The following SLIT1 variants were observed in gnomAD, a reference collection of about 807,000 sequenced individuals.
SLIT1 encodes slit homolog 1 protein.
In SLIT1, 66 loss-of-function variants were observed where a neutral mutation model predicts 186.1. The ratio of observed to expected loss-of-function variants is 0.35; its 90% CI spans 0.29 to 0.44. The LOEUF (loss-of-function observed/expected upper bound fraction) is 0.44. SLIT1 is among the 20% of genes least tolerant of loss of function. SLIT1 has a pLI of 1.00. For synonymous variants in SLIT1, 761 were observed against 833.8 expected (o/e 0.91, Z 1.50); for missense variants, 1,638 against 2,037.4 (o/e 0.80, Z 3.77).
At chr10:97,073,861 C>T (rs1490358746) in intron 4 of SLIT1, among the ~76,000 whole-genome samples, 1 of 152,232 alleles carries the variant, frequency 6.6e-6, no homozygotes, top group Non-Finnish European at 1.5e-5. Flanking sequence ...GGAGAGGTGC[C>T]GCTGCCTACT....
intron 1 of SLIT1, among the ~76,000 whole-genome samples, chr10:97,181,216 G>A (rs968286756): frequency 3.3e-5 from 5 of 152,136 alleles, no homozygotes; most frequent in African/African-American, 1.2e-4. Flanking sequence ...TGCCCTGCAG[G>A]GAGGCACCTC....
rs1226127245 is a variant in SLIT1 at position 97,043,544 on chromosome 10, C to T, written c.1854-31G>A. ...GAGGAACGGGGGAGGGAGGAGGGGA[C>T]CCTTGCTGCCCTGCCAGCCATCCAC... On this transcript the variant is annotated intron_variant, in intron 18 of 36. Transcript: ENST00000266058. The surrounding 1 kb of genome is among the most constrained non-coding windows in gnomAD (Gnocchi z 7.0). 1 of 1,597,708 alleles carries T rather than the reference C, an allele frequency of 6.3e-7. No individual in the cohort carries two copies. The highest frequency in any genetic ancestry group is 8.5e-7 in the Non-Finnish European group (1 of 1,169,862).
chr10:97,032,247 A>G (rs1167965752), intron 23 of SLIT1, among the ~76,000 whole-genome samples: 2 of 152,020 alleles, frequency 1.3e-5, no homozygotes, highest in Non-Finnish European at 1.5e-5. Flanking sequence ...TTGAGAGGTG[A>G]AAAAACTTCT....
At chr10:97,084,522 T>A (rs1849137003) in intron 4 of SLIT1, among the ~76,000 whole-genome samples, 1 of 152,236 alleles carries the variant, frequency 6.6e-6, no homozygotes, top group Non-Finnish European at 1.5e-5. Context: ...TCATAGCTGG[T>A]GGTTTAAGGC....
In SLIT1 at chr10:97,006,368, A is replaced by G; in HGVS notation, c.3579+115T>C. 1.4e-6 allele frequency: 1 copy of G among 704,002 alleles called. No individual in the cohort carries two copies. The highest frequency in any genetic ancestry group is 2.5e-6 in the Non-Finnish European group (1 of 401,530). The allele number at this position is 704,002 out of a possible 1,614,324, so 43.6% of individuals were successfully genotyped here. ...CCCATATGCAAAACGTTTTGATTAC[A>G]CAGAGTCCTTCCAGTTCCCCAGGCA... On this transcript the variant is annotated intron_variant, in intron 32 of 36. Coordinates refer to ENST00000266058, the MANE Select transcript of SLIT1 (RefSeq NM_003061.3). The surrounding 1 kb of genome is among the most constrained non-coding windows in gnomAD (Gnocchi z 4.0).
intron 28 of SLIT1, 142 bp from the exon 29 acceptor site, chr10:97,014,300 A>T: frequency 6.8e-6 from 6 of 887,800 alleles, no homozygotes. Flanking sequence ...GTAGGGTTAG[A>T]GGTGACCAAG....
In SLIT1 at chr10:97,001,087, C is replaced by T. The variant is rs777224842; in HGVS notation, c.*25G>A. On this transcript the variant is annotated 3_prime_UTR_variant, in exon 37 of 37. Transcript: ENST00000266058. ...CAGCGGCTGGGGCCCCTTGCCCGCC[C>T]TCACCGGCCTGTCCACGCCCAGCGC... is the stretch of plus-strand genomic sequence containing the variant. The T allele has an allele frequency of 6.3e-6, 10 of 1,599,452 alleles. No homozygotes were observed. The Admixed American group carries it at 1.7e-4, about 27-fold the overall frequency.
intron 3 of SLIT1, among the ~76,000 whole-genome samples, chr10:97,160,759 C>T (rs913020457): frequency 6.6e-6 from 1 of 152,182 alleles, no homozygotes; most frequent in Non-Finnish European, 1.5e-5. Context: ...CTTGCTCTGT[C>T]GCCCAGGCTG....
Position 97,001,291 on chromosome 10 carries a change from T to G in SLIT1, c.4426A>C (p.Ile1476Leu). The G allele has an allele frequency of 6.2e-7, 1 of 1,613,262 alleles. No homozygotes were observed. Among genetic ancestry groups the G allele is most frequent in the South Asian group, 1.1e-5 (1 of 91,074 alleles). ...DFHQVQRGYA[I>L]CQTTRPLSWV... Reference sequence around the variant, plus strand: ...GACAGGGGGCGCGTGGTCTGGCAGATGGCATAGCCCCTCTGGACCTGGTGA... The same window carrying G: ...GACAGGGGGCGCGTGGTCTGGCAGAGGGCATAGCCCCTCTGGACCTGGTGA... The change falls in exon 37 of 37, where the codon ATC (isoleucine) becomes CTC (leucine). Residue 1476 changes from isoleucine (I) to leucine (L), a missense_variant. Physicochemically the swap from Ile to Leu is conservative, Grantham distance 5. Coordinates refer to ENST00000266058, the MANE Select transcript of SLIT1 (RefSeq NM_003061.3).
At chr10:97,057,124 A>G in intron 12 of SLIT1, 86 bp downstream of exon 12, 2 of 1,020,530 alleles carry the variant, frequency 2.0e-6, no homozygotes. Flanking sequence ...CATACCCAAG[A>G]GAGGCCTAAA....
At chr10:97,145,279 G>A (rs1479909713) in intron 4 of SLIT1, among the ~76,000 whole-genome samples, 1 of 151,980 alleles carries the variant, frequency 6.6e-6, no homozygotes, top group African/African-American at 2.4e-5. Flanking sequence ...CATCACACCC[G>A]GCTAATTTTT....
chr10:97,031,489 G>T, intron 24 of SLIT1, 117 bp downstream of exon 24: 1 of 740,290 alleles, frequency 1.4e-6, no homozygotes, highest in Non-Finnish European at 2.3e-6. Flanking sequence ...CAGCACTCTG[G>T]ACTCCACCAT....
At chr10:97,028,946 C>T (rs1165193212) in intron 25 of SLIT1, among the ~76,000 whole-genome samples, 1 of 152,320 alleles carries the variant, frequency 6.6e-6, no homozygotes, top group East Asian at 1.9e-4. Context: ...CTCCCACTTC[C>T]ATGGCAGACA....
chr10:97,048,856 T>TGGACAGGA (rs763764185), intron 14 of SLIT1, 99 bp downstream of exon 14: 1 of 1,256,516 alleles, frequency 8.0e-7, no homozygotes, highest in African/African-American at 1.5e-5. Flanking sequence ...GGCGGGTAGG[T>TGGACAGGA]GGGCAGGTGG....
chr10:97,073,186 T>C (rs751886899), intron 4 of SLIT1, among the ~76,000 whole-genome samples: 2 of 152,158 alleles, frequency 1.3e-5, no homozygotes, highest in African/African-American at 2.4e-5. Context: ...TGAAATAAAG[T>C]TTATCATGTC....
rs181982045 is a variant in SLIT1 at position 97,124,427 on chromosome 10, G to A, written c.413+33391C>T. Among the ~76,000 whole-genome samples the A allele has an allele frequency of 5.8e-3, 877 of 152,304 alleles. 8 individuals are homozygous for A. The highest frequency in any genetic ancestry group is 0.021 in the African/African-American group (854 of 41,556). On this transcript the variant is annotated intron_variant, in intron 4 of 36. Transcript: ENST00000266058. ...CTCCCTCGAGCTTTGCTATTCCAAG[G>A]TTGAGGCCATTTCATGCCTTATCAA...
Position 97,006,974 on chromosome 10 carries a change from T to C in SLIT1, c.3342-254A>G, listed in dbSNP as rs1461950801. On this transcript the variant is annotated intron_variant, in intron 31 of 36. Coordinates refer to ENST00000266058, the MANE Select transcript of SLIT1 (RefSeq NM_003061.3). This position sits in a 1 kb window ranked among gnomAD's most constrained non-coding sequence, Gnocchi z 4.0. ...GAAATGGCAAACCCACTGAATCTGC[T>C]TTTTAACAAGATCCAAGGTGATTAC... is the stretch of plus-strand genomic sequence containing the variant. Among the ~76,000 whole-genome samples the C allele has an allele frequency of 6.6e-6, 1 of 152,228 alleles. No individual in the cohort carries two copies. Among genetic ancestry groups the C allele is most frequent in the Non-Finnish European group, 1.5e-5 (1 of 68,044 alleles).
In SLIT1 at chr10:97,060,767, C is replaced by A; in HGVS notation, c.814G>T (p.Val272Leu). The change falls in exon 9 of 37, where the codon GTG becomes TTG. Residue 272 changes from valine to leucine, a missense_variant. Val to Leu is a conservative substitution (Grantham distance 32, BLOSUM62 1). Transcript: ENST00000266058. ...CCGGAGGACAGGGTGCAGGTGGGCA[C>A]GCGCCCCGCTTCTCCCTGGCCTGCA... ...SCSGQGEAGR[V>L]PTCTLSSGSC... 10 of 1,608,536 alleles carry A rather than the reference C, an allele frequency of 6.2e-6. No homozygotes were observed. Among genetic ancestry groups the A allele is most frequent in the Admixed American group, 1.7e-5 (1 of 59,504 alleles).
intron 4 of SLIT1, among the ~76,000 whole-genome samples, chr10:97,110,580 T>C (rs1354642258): frequency 6.6e-6 from 1 of 152,186 alleles, no homozygotes; most frequent in Non-Finnish European, 1.5e-5. Flanking sequence ...GGAATATACA[T>C]AGTTTGGTTC....
Sources: allele counts gnomAD v4.1 joint callset (sites outside exome capture counted in the v4.1 genomes callset), GRCh38; gene constraint gnomAD v4.1.1; non-coding constraint Gnocchi (gnomAD v3.1); transcripts MANE v1.5; gene names NCBI Gene and HGNC (gene_info 2026-07-23, HGNC 2026-07-21).